Variants in OSBPL9 observed in about 807,000 individuals in gnomAD.
OSBPL9 encodes oxysterol binding protein like 9, also known as oxysterol-binding protein-related protein 9.
In OSBPL9, 40 loss-of-function variants were observed where a neutral mutation model predicts 106.6. The ratio of observed to expected loss-of-function variants is 0.38; its 90% CI spans 0.29 to 0.49. OSBPL9 has a LOEUF of 0.49. Among genes scored for constraint, OSBPL9 ranks in the 20% least tolerant of loss-of-function variants. OSBPL9 has a pLI of 0.97. For synonymous variants in OSBPL9, 269 were observed against 295.4 expected (o/e 0.91, Z 0.92); for missense variants, 609 against 887.2 (o/e 0.69, Z 3.98).
the OSBPL9 span, chr1:51,519,244 A>C: frequency 3.4e-6 from 4 of 1,161,988 alleles, no homozygotes; most frequent in Admixed American, 3.2e-5. Flanking sequence ...TGTTTCCATC[A>C]TGCAAGGGAG....
chr1:51,603,459 AC>A (rs1030806288), intron 2 of OSBPL9, among the ~76,000 whole-genome samples: 1 of 152,204 alleles, frequency 6.6e-6, no homozygotes, highest in African/African-American at 2.4e-5. Context: ...CATTTTAAGT[AC>A]CTTATGCTAT....
At chr1:51,740,237 T>G in intron 4 of OSBPL9, 1 of 1,500,886 alleles carries the variant, frequency 6.7e-7, no homozygotes, top group Non-Finnish European at 8.9e-7. Flanking sequence ...GTAAGTATGC[T>G]CTATACTTCT....
intron 2 of OSBPL9, among the ~76,000 whole-genome samples, chr1:51,656,260 A>G (rs1570840873): frequency 6.6e-6 from 1 of 152,176 alleles, no homozygotes; most frequent in African/African-American, 2.4e-5. Context: ...TTATGTATGT[A>G]TAGGAAACAG....
At chr1:51,520,689 G>T in the OSBPL9 span, among the ~76,000 whole-genome samples, 26 of 152,194 alleles carry the variant, frequency 1.7e-4, 1 homozygote. Flanking sequence ...GTGGTAGGAG[G>T]GACAACTGAA....
chr1:51,591,577 C>T (rs1469961526), intron 1 of OSBPL9, among the ~76,000 whole-genome samples: 3 of 152,156 alleles, frequency 2.0e-5, no homozygotes, highest in South Asian at 4.1e-4. Context: ...GAAGCCAAGG[C>T]GGGCAGATCA....
intron 2 of OSBPL9, among the ~76,000 whole-genome samples, chr1:51,665,440 G>A (rs1340370004): frequency 6.6e-6 from 1 of 152,142 alleles, no homozygotes; most frequent in African/African-American, 2.4e-5. Flanking sequence ...CACTGCGCCC[G>A]GCCTGAGGGA....
chr1:51,604,284 G>A lies in OSBPL9; in HGVS notation c.-353+6091G>A, dbSNP rs142871003. On this transcript the variant is annotated intron_variant, in intron 2 of 25. Coordinates refer to the OSBPL9 transcript ENST00000371714. The stretch of plus-strand genomic sequence containing the variant: ...AAAAAAATTCATTAGGGCTGGGTGC[G>A]GTGGCTCACGCCTGTAATCCCAGCA... 7.6e-4 allele frequency among the ~76,000 whole-genome samples: 116 copies of A among 152,236 alleles called. No homozygotes were observed. In the South Asian group the frequency reaches 0.022, roughly 29 times the overall value.
chr1:51,692,708 G>T (rs1346789882), intron 3 of OSBPL9, among the ~76,000 whole-genome samples: 23 of 143,608 alleles, frequency 1.6e-4, no homozygotes, highest in African/African-American at 6.0e-4. Context: ...TGTCACTCAG[G>T]CTGGAGTACA....
At chr1:51,716,856 C>G (rs1661151990) in intron 4 of OSBPL9, among the ~76,000 whole-genome samples, 1 of 152,074 alleles carries the variant, frequency 6.6e-6, no homozygotes, top group Non-Finnish European at 1.5e-5. Context: ...ATGTTAGGTT[C>G]TCTTCTTTTG....
the OSBPL9 span, among the ~76,000 whole-genome samples, chr1:51,550,492 T>C: frequency 6.6e-6 from 1 of 152,196 alleles, no homozygotes; most frequent in South Asian, 2.1e-4. Flanking sequence ...TAAATACTAA[T>C]ACATACGTTT....
chr1:51,645,403 A>G (rs754228630), intron 1 of OSBPL9, among the ~76,000 whole-genome samples: 5 of 151,678 alleles, frequency 3.3e-5, no homozygotes, highest in East Asian at 1.9e-4. Flanking sequence ...CCCTACCCAG[A>G]TATATATGAT....
In OSBPL9 at chr1:51,745,628, A is replaced by G. The variant is rs1307292989; in HGVS notation, c.411A>G (p.Leu137=). The G allele has an allele frequency of 1.9e-6, 3 of 1,578,552 alleles. No individual in the cohort carries two copies. The East Asian group carries it at 6.8e-5, about 36-fold the overall frequency. The part of the protein sequence containing the change: ...DAYLQILIEQ[L]KLFDDKLQNC... ...ACCTACAAATCTTGATTGAACAATT[A>G]AAGGTATGGCATTAGTTTGTATATT... is the stretch of plus-strand genomic sequence containing the variant. Residue 137 remains leucine, a synonymous_variant, in exon 5 of 24, where the codon TTA becomes TTG. Transcript: ENST00000428468.
chr1:51,731,051 C>G (rs1442259505), intron 4 of OSBPL9, among the ~76,000 whole-genome samples: 4 of 151,462 alleles, frequency 2.6e-5, no homozygotes, highest in Non-Finnish European at 4.4e-5. Flanking sequence ...TTTACTCCCC[C>G]CCACCTTTTT....
chr1:51,725,728 C>T (rs756209416), intron 4 of OSBPL9, among the ~76,000 whole-genome samples: 11 of 152,220 alleles, frequency 7.2e-5, no homozygotes, highest in East Asian at 3.9e-4. Flanking sequence ...CTAGAGGGGA[C>T]GCATTAGGGG....
intron 1 of OSBPL9, among the ~76,000 whole-genome samples, chr1:51,637,225 C>T (rs764015198): frequency 3.3e-5 from 5 of 152,162 alleles, no homozygotes; most frequent in African/African-American, 9.7e-5. Flanking sequence ...GGCATGTTGG[C>T]TCACGCCTGT....
At chr1:51,670,120 G>A (rs1055220760) in intron 3 of OSBPL9, among the ~76,000 whole-genome samples, 1 of 152,120 alleles carries the variant, frequency 6.6e-6, no homozygotes, top group South Asian at 2.1e-4. Flanking sequence ...CGGTAGAAAG[G>A]GTAAGGTACT....
rs1239016564 is a variant in OSBPL9 at position 51,639,830 on chromosome 1, T to TC, written c.112-12161_112-12160insC. Among the ~76,000 whole-genome samples, 10 of 139,656 alleles carry TC rather than the reference T, an allele frequency of 7.2e-5. 1 individual carries two copies. The highest frequency in any genetic ancestry group is 1.4e-4 in the Admixed American group (2 of 14,118). The allele number at this position is 139,656 out of a possible 152,430, so 91.6% of individuals were successfully genotyped here. ...CATTCCTAGTTGTTTTTTTTTTTTT[T>TC]TTTTTTTTTTTTGAGATAGGGTCTC... is the stretch of plus-strand genomic sequence containing the variant. On this transcript the variant is annotated intron_variant, in intron 1 of 23. Coordinates refer to ENST00000428468, the MANE Select transcript of OSBPL9 (RefSeq NM_024586.6).
intron 12 of OSBPL9, among the ~76,000 whole-genome samples, chr1:51,769,942 A>G: frequency 6.6e-6 from 1 of 152,194 alleles, no homozygotes. Context: ...GAGATACATC[A>G]CAGAGGCACA....
intron 2 of OSBPL9, among the ~76,000 whole-genome samples, chr1:51,656,491 A>C (rs148528750): frequency 1.2e-3 from 178 of 151,932 alleles, no homozygotes; most frequent in African/African-American, 4.1e-3. Context: ...TTCTTATATC[A>C]TGGAAGTTCT....
Sources: gnomAD v4.1 joint callset for allele counts (sites outside exome capture counted in the v4.1 genomes callset) on GRCh38, gnomAD v4.1.1 for gene constraint, MANE v1.5 for transcripts, NCBI Gene and HGNC (gene_info 2026-07-23, HGNC 2026-07-21) for gene names.